Variants in RNF213 observed in about 807,000 individuals in gnomAD.
The protein encoded by RNF213 is ring finger protein 213.
Under a neutral mutation model 514.4 loss-of-function variants are expected in RNF213, and 341 were observed. The observed-to-expected ratio is 0.66, with a 90% confidence interval of 0.61 to 0.73. The LOEUF (loss-of-function observed/expected upper bound fraction) is 0.73, where lower values mean the gene tolerates loss of function less well. Ranked by LOEUF, RNF213 falls within the 30% of genes least tolerant of loss-of-function variation. The pLI is 0.00. For missense variants in RNF213, 5,767 were observed against 6,615.6 expected (o/e 0.87, Z 4.45); for synonymous variants, 2,655 against 2,658.2 (o/e 1.00, Z 0.04).
Position 80,385,058 on chromosome 17 carries a change from TA to T in RNF213, c.14345del (p.Lys4782SerfsTer13), listed in dbSNP as rs2080178322. ...CTCCAGGAAGCAGAGCTGAGGCTGGTAAAGTTCCTGCCTGAGATTTTGGCCT... is the reference window on the plus strand; with the variant it reads ...CTCCAGGAAGCAGAGCTGAGGCTGGTAAGTTCCTGCCTGAGATTTTGGCCT... Reference protein sequence around the residue: ...FLQKEAELRLVKFLPEILALQ... With the variant: ...FLQKEAELRLXKFLPEILALQ... On this transcript the variant is annotated frameshift_variant, in exon 60 of 68. Transcript: ENST00000582970. LOFTEE classifies it high-confidence loss of function. The T allele has an allele frequency of 6.2e-7, 1 of 1,614,028 alleles. No individual in the cohort carries two copies. The highest frequency in any genetic ancestry group is 1.3e-5 in the African/African-American group (1 of 74,918).
chr17:80,332,695 C>T, intron 21 of RNF213, 64 bp downstream of exon 21: 1 of 1,437,784 alleles, frequency 7.0e-7, no homozygotes, highest in Non-Finnish European at 9.1e-7. Flanking sequence ...TCTTCAGGAG[C>T]CATGGGCTTT....
intron 3 of RNF213, among the ~76,000 whole-genome samples, chr17:80,281,219 C>CCAAG (rs2044253052): frequency 9.9e-6 from 1 of 100,884 alleles, no homozygotes; most frequent in Non-Finnish European, 2.1e-5. Context: ...CACACACCCC[C>CCAAG]ACACACACCC....
rs768325992 is a variant in RNF213 at position 80,289,787 on chromosome 17, C to T, written c.1062C>T (p.Asn354=). The change falls in exon 6 of 68, where the codon AAC becomes AAT. Residue 354 remains asparagine (N), a synonymous_variant. Coordinates refer to ENST00000582970, the MANE Select transcript of RNF213 (RefSeq NM_001256071.3). ...GKNRSAAAVK[N]EKEQKNQEAD... is the part of the protein sequence containing the mutation. ...ACAGAAGTGCAGCTGCTGTGAAAAA[C>T]GAGAAGGAGCAAAAAAACCAGGAAG... 1.7e-5 allele frequency: 27 copies of T among 1,613,188 alleles called. No individual in the cohort carries two copies. Among genetic ancestry groups the T allele is most frequent in the East Asian group, 2.2e-5 (1 of 44,882 alleles).
intron 3 of RNF213, among the ~76,000 whole-genome samples, chr17:80,284,200 AC>A (rs1568009722): frequency 6.8e-6 from 1 of 148,040 alleles, no homozygotes; most frequent in African/African-American, 2.6e-5. Context: ...GTACAAAAAT[AC>A]AAAAAAAAAA....
At chr17:80,321,708 A>G (rs776729112) in intron 17 of RNF213, among the ~76,000 whole-genome samples, 1 of 152,054 alleles carries the variant, frequency 6.6e-6, no homozygotes, top group Non-Finnish European at 1.5e-5. Flanking sequence ...GTGGGTATGA[A>G]GTGGTATCTC....
chr17:80,261,544 T>A (rs1442917079), intron 1 of RNF213, among the ~76,000 whole-genome samples: 5 of 152,164 alleles, frequency 3.3e-5, no homozygotes, highest in African/African-American at 1.2e-4. Context: ...TGGTGGCCCT[T>A]CCCTGCCCCC....
rs184672079 is a variant in RNF213, at chr17:80,353,402, C to T, written c.10424-110C>T. On this transcript the variant is annotated intron_variant, in intron 33 of 67. Transcript: ENST00000582970. This position sits in a 1 kb window ranked among gnomAD's most constrained non-coding sequence, Gnocchi z 5.0. Reference sequence around the variant, plus strand: ...GGGGACCTAGCACCACAGCAGGGGCCGGGGAAGCCTGCACTCGGAGGCTGA... The same window carrying T: ...GGGGACCTAGCACCACAGCAGGGGCTGGGGAAGCCTGCACTCGGAGGCTGA... The T allele has an allele frequency of 4.7e-5, 59 of 1,261,934 alleles. No individual in the cohort carries two copies. The highest frequency in any genetic ancestry group is 2.2e-4 in the African/African-American group (15 of 67,418). 78.2% of individuals were successfully genotyped at this position (1,261,934 alleles called of 1,614,324 possible).
At chr17:80,283,453 G>T (rs2044367701) in intron 3 of RNF213, among the ~76,000 whole-genome samples, 1 of 152,218 alleles carries the variant, frequency 6.6e-6, no homozygotes, top group South Asian at 2.1e-4. Flanking sequence ...GGTCTCTCCT[G>T]CAGTTGCGTC....
rs562249809 is a variant in RNF213 at position 80,348,664 on chromosome 17, AATGCTG to A, written c.9951+379_9951+384del. ...CAGATGCCATCAATATCATATGATA[AATGCTG>A]TGCTTAGAGGCAGCGGGGAGCGGTG... On this transcript the variant is annotated intron_variant, in intron 29 of 67. Coordinates refer to ENST00000582970, the MANE Select transcript of RNF213 (RefSeq NM_001256071.3). Among the ~76,000 whole-genome samples the A allele has an allele frequency of 1.2e-3, 184 of 152,364 alleles. 1 individual carries two copies. Among genetic ancestry groups the A allele is most frequent in the African/African-American group, 4.2e-3 (174 of 41,586 alleles).
intron 15 of RNF213, among the ~76,000 whole-genome samples, chr17:80,316,944 C>T (rs185187820): frequency 8.7e-4 from 132 of 152,304 alleles, no homozygotes; most frequent in Admixed American, 4.3e-3. Flanking sequence ...AATAAAAAGC[C>T]GGTTGTGCAG....
At chr17:80,326,146 G>C (rs773970330) in intron 18 of RNF213, among the ~76,000 whole-genome samples, 1 of 151,694 alleles carries the variant, frequency 6.6e-6, no homozygotes, top group African/African-American at 2.4e-5. Context: ...TTAAAACAAG[G>C]TCTTCTCTGT....
rs745409613 is a variant in RNF213, at chr17:80,295,858, G to T, written c.2012+45G>T. The T allele has an allele frequency of 3.7e-6, 6 of 1,601,912 alleles. No homozygotes were observed. The African/African-American group carries it at 8.0e-5, about 21-fold the overall frequency. On this transcript the variant is annotated intron_variant, in intron 10 of 67. Transcript: ENST00000582970. ...AAATGTTTTTTATAGCTATTATAAT[G>T]ATTTTCTCTGATTGCAAAAATAAGT... is the stretch of plus-strand genomic sequence containing the variant.
At chr17:80,273,483 C>G in intron 3 of RNF213, 79 bp downstream of exon 3, 2 of 1,581,506 alleles carry the variant, frequency 1.3e-6, no homozygotes, top group Non-Finnish European at 1.7e-6. Context: ...GCCCAGCTAG[C>G]CCCCGAAAAT....
intron 20 of RNF213, among the ~76,000 whole-genome samples, chr17:80,329,683 T>G (rs920291993): frequency 6.6e-6 from 1 of 151,788 alleles, no homozygotes; most frequent in Non-Finnish European, 1.5e-5. Context: ...ACAAAAAAAT[T>G]AGCAAGACAC....
In RNF213 at chr17:80,353,437, C is replaced by G; in HGVS notation, c.10424-75C>G. 1 of 1,510,890 alleles carries G rather than the reference C, an allele frequency of 6.6e-7. No homozygotes were observed. The highest frequency in any genetic ancestry group is 9.0e-7 in the Non-Finnish European group (1 of 1,109,502). The allele number at this position is 1,510,890 out of a possible 1,614,324, so 93.6% of individuals were successfully genotyped here. A position where few individuals can be genotyped will look rare whatever the true frequency, so the allele number is the denominator to read the frequency against. On this transcript the variant is annotated intron_variant, in intron 33 of 67. Transcript: ENST00000582970. This position sits in a 1 kb window ranked among gnomAD's most constrained non-coding sequence, Gnocchi z 5.0. The stretch of plus-strand genomic sequence containing the variant: ...TGCACTCGGAGGCTGAGCACACAGA[C>G]TCCCAGATGGCACCGCTGCCAGTCC...
At chr17:80,330,752 G>T (rs4890007) in intron 20 of RNF213, among the ~76,000 whole-genome samples, 14,628 of 152,290 alleles carry the variant, frequency 0.096, 1,392 homozygotes, top group African/African-American at 0.24. Flanking sequence ...TCTCTTGGCT[G>T]CTGGGGTGAA....
At chr17:80,333,980 C>T in intron 21 of RNF213, 125 bp from the exon 22 acceptor site, 1 of 1,084,770 alleles carries the variant, frequency 9.2e-7, no homozygotes, top group Non-Finnish European at 1.3e-6. Context: ...TGCCTGTTGT[C>T]ACAGCAGTGG....
In RNF213 at chr17:80,325,082, G is replaced by A. The variant is rs892589383; in HGVS notation, c.3077G>A (p.Gly1026Asp). ...TCTTACTCTGATTTGCGGAAATTTG[G>A]CATCGTCTTGTCTGCTGTGATCACT... ...GFSYSDLRKF[G>D]IVLSAVITKS... Residue 1026 changes from glycine (G) to aspartate (D), a missense_variant, in exon 18 of 68, where the codon GGC becomes GAC. Physicochemically the swap from Gly to Asp is moderately conservative, Grantham distance 94 (BLOSUM62 -1). This residue lies in a region of RNF213 where 516 missense variants were observed against 566.5 expected (regional missense o/e 0.91). Transcript: ENST00000582970. 1 of 1,537,152 alleles carries A rather than the reference G, an allele frequency of 6.5e-7. No homozygotes were observed. Among genetic ancestry groups the A allele is most frequent in the African/African-American group, 1.4e-5 (1 of 73,116 alleles).
intron 42 of RNF213, among the ~76,000 whole-genome samples, chr17:80,367,422 G>C (rs868590546): frequency 6.6e-6 from 1 of 152,170 alleles, no homozygotes; most frequent in East Asian, 1.9e-4. Context: ...TAAATGCTGA[G>C]ATTTCTTAAA....
Sources: allele counts gnomAD v4.1 joint callset (sites outside exome capture counted in the v4.1 genomes callset), GRCh38; gene constraint gnomAD v4.1.1; regional missense constraint gnomAD v4.1.1; non-coding constraint Gnocchi (gnomAD v3.1); transcripts MANE v1.5; gene names NCBI Gene and HGNC (gene_info 2026-07-23, HGNC 2026-07-21).